Variants in SLC4A8 observed in about 807,000 individuals in gnomAD.
SLC4A8 encodes the protein electroneutral sodium bicarbonate exchanger 1.
In SLC4A8, 40 loss-of-function variants were observed where a neutral mutation model predicts 125.0. The observed-to-expected ratio is 0.32, with a 90% CI of 0.25 to 0.42. The LOEUF (loss-of-function observed/expected upper bound fraction) is 0.42. SLC4A8 is among the 10% of genes least tolerant of loss of function. The pLI is 1.00. For missense variants in SLC4A8, 863 were observed against 1,355.1 expected, an observed-to-expected ratio of 0.64 and a Z score of 5.70; for synonymous variants, 456 against 476.0, an observed-to-expected ratio of 0.96 and a Z score of 0.55.
chr12:51,403,203 C>T (rs754749214), intron 1 of SLC4A8: 95 of 395,622 alleles, frequency 2.4e-4, no homozygotes, highest in African/African-American at 1.3e-3. Flanking sequence ...AAGCACTCCT[C>T]GCTACCGCCG....
intron 16 of SLC4A8, among the ~76,000 whole-genome samples, chr12:51,475,435 G>A (rs2138330719): frequency 1.3e-5 from 2 of 152,284 alleles, no homozygotes; most frequent in South Asian, 4.2e-4. Context: ...TGCCAGTTAA[G>A]GTTAAGGTGG....
At chr12:51,403,806 G>A (rs760591642) in intron 1 of SLC4A8, among the ~76,000 whole-genome samples, 1 of 152,242 alleles carries the variant, frequency 6.6e-6, no homozygotes, top group Non-Finnish European at 1.5e-5. Context: ...GTCAGCCTTG[G>A]GGCAATCATT....
rs892133780 is a variant in SLC4A8 at position 51,508,337 on chromosome 12, T to G, written c.*899T>G. 6.6e-6 allele frequency: 1 copy of G among 152,610 alleles called. No individual in the cohort carries two copies. Among genetic ancestry groups the G allele is most frequent in the Non-Finnish European group, 1.5e-5 (1 of 68,034 alleles). 9.5% of individuals were successfully genotyped at this position (152,610 alleles called of 1,614,324 possible). ...TGTCATAGTGTCTGCTTTCTAGATA[T>G]CTGGGAAAGATTTGATAATAGTTGT... On this transcript the variant is annotated 3_prime_UTR_variant, in exon 25 of 25. Transcript: ENST00000453097.
chr12:51,475,796 G>T (rs1950837509), intron 16 of SLC4A8, among the ~76,000 whole-genome samples: 1 of 152,258 alleles, frequency 6.6e-6, no homozygotes, highest in African/African-American at 2.4e-5. Context: ...GAGGCTGAGT[G>T]TGGAGTAGCT....
rs551192935 is a variant in SLC4A8, at chr12:51,490,608, A to G, written c.2700+657A>G. On this transcript the variant is annotated intron_variant, in intron 19 of 24. Transcript: ENST00000453097. ...AAGATGAGGTGGAGCCATGCCATGG[A>G]TGGTGGGACATGGCATGGAAGGAGG... Among the ~76,000 whole-genome samples the G allele has an allele frequency of 9.2e-4, 135 of 146,784 alleles. 1 individual carries two copies. Among genetic ancestry groups the G allele is most frequent in the Non-Finnish European group, 1.8e-3 (118 of 66,574 alleles).
Position 51,505,942 on chromosome 12 carries a change from T to G in SLC4A8, c.3269+12T>G, listed in dbSNP as rs1938148060. On this transcript the variant is annotated intron_variant, in intron 24 of 24. Coordinates refer to ENST00000453097, the MANE Select transcript of SLC4A8 (RefSeq NM_001039960.3). The stretch of plus-strand genomic sequence containing the variant: ...GCAAAGGAAAAGAGGTAAAGAGAAC[T>G]GTAACATCTGGTTTTTATTTATTTC... 2 of 1,212,562 alleles carry G rather than the reference T, an allele frequency of 1.6e-6. No homozygotes were observed. The allele number at this position is 1,212,562 out of a possible 1,614,324, so 75.1% of individuals were successfully genotyped here. A position where few individuals can be genotyped will look rare whatever the true frequency, so the allele number is the denominator to read the frequency against.
intron 1 of SLC4A8, among the ~76,000 whole-genome samples, chr12:51,394,214 C>T (rs79474031): frequency 0.01 from 1,576 of 152,316 alleles, 25 homozygotes; most frequent in African/African-American, 0.033. Context: ...GCCCAGCTTC[C>T]CAAGAAGTAG....
intron 10 of SLC4A8, 149 bp from the exon 11 acceptor site, chr12:51,463,465 T>A: frequency 7.3e-6 from 4 of 547,328 alleles, no homozygotes; most frequent in Non-Finnish European, 6.7e-6. Flanking sequence ...GTAAAGTCAA[T>A]AAACTGCATC....
Position 51,471,316 on chromosome 12 carries a change from G to A in SLC4A8, c.1688G>A (p.Arg563Gln). The A allele has an allele frequency of 6.2e-7, 1 of 1,613,430 alleles. No homozygotes were observed. Residue 563 changes from arginine (R) to glutamine (Q), a missense_variant, in exon 14 of 25, where the codon CGA (arginine) becomes CAA (glutamine). Arg to Gln is a conservative substitution (Grantham distance 43). This residue lies in a region of SLC4A8 where 390 missense variants were observed against 634.4 expected (regional missense o/e 0.61). Transcript: ENST00000453097. ...TATGCTCTTTCATACCTCTCCCTGC[G>A]AGCTTGTATTGGACTGTGGACCGCT... Reference protein sequence around the residue: ...KDYALSYLSLRACIGLWTAFL... With the variant: ...KDYALSYLSLQACIGLWTAFL...
At chr12:51,475,529 C>T (rs1435522713) in intron 16 of SLC4A8, among the ~76,000 whole-genome samples, 1 of 152,196 alleles carries the variant, frequency 6.6e-6, no homozygotes, top group Non-Finnish European at 1.5e-5. Flanking sequence ...ACACTTAACA[C>T]ACAATAGCTA....
At chr12:51,400,786 A>ATGTATG (rs1948371740) in intron 1 of SLC4A8, among the ~76,000 whole-genome samples, 1 of 10,984 alleles carries the variant, frequency 9.1e-5, no homozygotes, top group Non-Finnish European at 1.6e-4. Context: ...ATACATACAT[A>ATGTATG]CACACACACA....
chr12:51,397,883 A>T (rs1948294713), intron 1 of SLC4A8, among the ~76,000 whole-genome samples: 1 of 152,122 alleles, frequency 6.6e-6, no homozygotes, highest in Non-Finnish European at 1.5e-5. Context: ...CCTGGGCAAC[A>T]TAGTGAGACC....
intron 2 of SLC4A8, among the ~76,000 whole-genome samples, chr12:51,442,420 C>T (rs1407573968): frequency 6.6e-6 from 1 of 152,212 alleles, no homozygotes. Flanking sequence ...TTTATGAACA[C>T]TCTTGTCTAC....
At position 51,427,241 on chromosome 12, in the gene SLC4A8, A is replaced by T. The variant is rs376614725; in HGVS notation, c.48+2206A>T. On this transcript the variant is annotated intron_variant, in intron 1 of 24. Coordinates refer to ENST00000453097, the MANE Select transcript of SLC4A8 (RefSeq NM_001039960.3). The stretch of plus-strand genomic sequence containing the variant: ...ACGTGAGCCACCGTGCCCGGCCCAG[A>T]TTTTCCTACTGAAAGATTTCTTTGG... Among the ~76,000 whole-genome samples the T allele has an allele frequency of 8.6e-5, 13 of 151,942 alleles. No individual in the cohort carries two copies. In the East Asian group the frequency reaches 2.1e-3, roughly 25 times the overall value.
At chr12:51,447,056 G>GTCTATCTATCTATCTATCTATCTATCTA (rs1038724217) in intron 2 of SLC4A8, among the ~76,000 whole-genome samples, 34 of 147,424 alleles carry the variant, frequency 2.3e-4, no homozygotes, top group African/African-American at 3.0e-4. Context: ...CTGTCTGTCT[G>GTCTATCTATCTATCTATCTATCTATCTA]TCTATCTATC....
chr12:51,443,808 T>A (rs1456327468), intron 2 of SLC4A8, among the ~76,000 whole-genome samples: 2 of 152,202 alleles, frequency 1.3e-5, no homozygotes, highest in African/African-American at 2.4e-5. Context: ...GCTAATGAGC[T>A]CTGTGTGAGT....
At chr12:51,482,783 T>C (rs1452329218) in intron 16 of SLC4A8, among the ~76,000 whole-genome samples, 2 of 152,306 alleles carry the variant, frequency 1.3e-5, no homozygotes, top group South Asian at 2.1e-4. Context: ...AGCATCCAAA[T>C]AGACAGAAAC....
intron 2 of SLC4A8, among the ~76,000 whole-genome samples, chr12:51,445,259 C>A (rs550113015): frequency 2.0e-5 from 3 of 152,290 alleles, no homozygotes; most frequent in African/African-American, 7.2e-5. Flanking sequence ...CAGCCTCCAC[C>A]TCCTGGGCTC....
chr12:51,444,378 C>T (rs1172016975), intron 2 of SLC4A8, among the ~76,000 whole-genome samples: 1 of 152,196 alleles, frequency 6.6e-6, no homozygotes, highest in African/African-American at 2.4e-5. Context: ...CTTCTTAGCT[C>T]TGACCCCCTG....
Sources: allele counts gnomAD v4.1 joint callset (sites outside exome capture counted in the v4.1 genomes callset), GRCh38; gene constraint gnomAD v4.1.1; regional missense constraint gnomAD v4.1.1; transcripts MANE v1.5; gene names NCBI Gene and HGNC (gene_info 2026-07-23, HGNC 2026-07-21).